Variants in PRPF18 observed in about 807,000 individuals in gnomAD.
The protein encoded by PRPF18 is pre-mRNA-splicing factor 18.
PRPF18 carries 38 observed loss-of-function variants against 46.5 expected under a neutral mutation model. That is an observed-to-expected ratio of 0.82 (90% confidence interval 0.63 to 1.07). The LOEUF is 1.07. Among genes scored for constraint, PRPF18 ranks in the 50% least tolerant of loss-of-function variants. The pLI is 0.00. For synonymous variants in PRPF18, 152 were observed against 146.7 expected, an observed-to-expected ratio of 1.04 and a Z score of -0.26; for missense variants, 263 against 410.0, an observed-to-expected ratio of 0.64 and a Z score of 3.10.
In PRPF18 at chr10:13,594,499, A is replaced by T. The variant is rs150171862; in HGVS notation, c.67-2959A>T. Among the ~76,000 whole-genome samples the T allele has an allele frequency of 6.7e-4, 102 of 152,358 alleles. No individual in the cohort carries two copies. In the Middle Eastern group the frequency reaches 0.014, roughly 20 times the overall value. ...CTGAAATCATTTCAATGAACTTTTC[A>T]TACATTAAAGCCTGTTCTATTTTGC... On this transcript the variant is annotated intron_variant, in intron 1 of 9. Coordinates refer to ENST00000378572, the MANE Select transcript of PRPF18 (RefSeq NM_003675.4).
chr10:13,651,996 G>C, the PRPF18 span: 2 of 1,402,848 alleles, frequency 1.4e-6, no homozygotes, highest in Non-Finnish European at 2.0e-6. Context: ...AAAGCAGGAG[G>C]AGGAAGAGAA....
chr10:13,653,063 T>TCCCCCCC, the PRPF18 span: 1 of 152,288 alleles, frequency 6.6e-6, no homozygotes, highest in African/African-American at 2.4e-5. Context: ...ATCTGGGTAT[T>TCCCCCCC]TCCCCCGCAA....
intron 1 of PRPF18, among the ~76,000 whole-genome samples, chr10:13,587,690 G>A (rs2079896859): frequency 6.6e-6 from 1 of 152,196 alleles, no homozygotes; most frequent in African/African-American, 2.4e-5. Context: ...AGCTGATAGG[G>A]ACCTCAGAAG....
chr10:13,640,101 T>G, the PRPF18 span: 4 of 152,216 alleles, frequency 2.6e-5, no homozygotes, highest in Non-Finnish European at 5.9e-5. Context: ...CCCACATTTC[T>G]GAGGTACCAG....
At chr10:13,622,065 G>A (rs371052466) in intron 9 of PRPF18, among the ~76,000 whole-genome samples, 1 of 152,178 alleles carries the variant, frequency 6.6e-6, no homozygotes, top group East Asian at 1.9e-4. Context: ...CATAGCTGTT[G>A]GTAAATGCTC....
chr10:13,589,985 G>A (rs1333284852), intron 1 of PRPF18, among the ~76,000 whole-genome samples: 1 of 152,052 alleles, frequency 6.6e-6, no homozygotes, highest in Non-Finnish European at 1.5e-5. Context: ...GGAAGGGCCA[G>A]GGTGTTGAAA....
At chr10:13,651,140 A>ATTAGGTTC in the PRPF18 span, 1 of 152,264 alleles carries the variant, frequency 6.6e-6, no homozygotes, top group Non-Finnish European at 1.5e-5. Context: ...TTAAATGCAC[A>ATTAGGTTC]TTAGGTTCAG....
At position 13,630,349 on chromosome 10, in the gene PRPF18, T is replaced by G. The variant is rs756723009; in HGVS notation, c.*9T>G. 3.8e-6 allele frequency: 6 copies of G among 1,591,350 alleles called. No homozygotes were observed. Among genetic ancestry groups the G allele is most frequent in the Non-Finnish European group, 5.2e-6 (6 of 1,160,064 alleles). ...AGTACAATGCACTGTGAGATCTGTG[T>G]ATGGTGTGTTAATAACAATAAGAAA... On this transcript the variant is annotated 3_prime_UTR_variant, in exon 10 of 10. Coordinates refer to ENST00000378572, the MANE Select transcript of PRPF18 (RefSeq NM_003675.4).
At chr10:13,625,787 A>C (rs1291624211) in intron 9 of PRPF18, among the ~76,000 whole-genome samples, 1 of 152,250 alleles carries the variant, frequency 6.6e-6, no homozygotes, top group South Asian at 2.1e-4. Flanking sequence ...TGATAGCACT[A>C]GAAGGTAGAA....
At chr10:13,624,703 C>G (rs1390415372) in intron 9 of PRPF18, among the ~76,000 whole-genome samples, 1 of 152,214 alleles carries the variant, frequency 6.6e-6, no homozygotes, top group Admixed American at 6.5e-5. Flanking sequence ...CAGGCTTTCA[C>G]CCCTCAGTTA....
intron 5 of PRPF18, among the ~76,000 whole-genome samples, chr10:13,610,934 A>G (rs6602668): frequency 6.6e-6 from 1 of 152,006 alleles, no homozygotes; most frequent in East Asian, 1.9e-4. Context: ...GTTAGTGTAT[A>G]ATCTTAATTA....
intron 1 of PRPF18, among the ~76,000 whole-genome samples, chr10:13,595,480 C>G (rs1285717834): frequency 6.6e-6 from 1 of 152,144 alleles, no homozygotes; most frequent in African/African-American, 2.4e-5. Flanking sequence ...ACTACCTAGT[C>G]AAAAACAATT....
At chr10:13,637,838 G>A in the PRPF18 span, 1 of 152,172 alleles carries the variant, frequency 6.6e-6, no homozygotes, top group African/African-American at 2.4e-5. Context: ...GTGAATGTTT[G>A]CACTTTTTTG....
chr10:13,596,268 C>A (rs888591989), intron 1 of PRPF18, among the ~76,000 whole-genome samples: 4 of 152,170 alleles, frequency 2.6e-5, no homozygotes, highest in Admixed American at 2.0e-4. Context: ...GTTAATTCCT[C>A]TCTTCCCTAC....
downstream of PRPF18, among the ~76,000 whole-genome samples, chr10:13,634,369 G>A (rs2080616564): frequency 6.6e-6 from 1 of 152,192 alleles, no homozygotes; most frequent in African/African-American, 2.4e-5. Context: ...TTTTACCAAT[G>A]AGAGCAGCTG....
chr10:13,617,719 C>A (rs985718437), intron 9 of PRPF18, among the ~76,000 whole-genome samples: 1 of 152,084 alleles, frequency 6.6e-6, no homozygotes, highest in Non-Finnish European at 1.5e-5. Context: ...TTCACCTCCC[C>A]GAGGAGTGAT....
At chr10:13,594,249 A>G (rs1246310544) in intron 1 of PRPF18, among the ~76,000 whole-genome samples, 3 of 152,248 alleles carry the variant, frequency 2.0e-5, no homozygotes, top group Non-Finnish European at 4.4e-5. Context: ...TCAGTGAGAA[A>G]AGTGACATTG....
intron 1 of PRPF18, among the ~76,000 whole-genome samples, chr10:13,593,534 G>A (rs557601947): frequency 6.6e-6 from 1 of 152,312 alleles, no homozygotes; most frequent in Admixed American, 6.5e-5. Context: ...GTTTAATGTG[G>A]TTCTGCTGTA....
the PRPF18 span, chr10:13,655,149 G>C: frequency 2.6e-5 from 4 of 152,256 alleles, no homozygotes; most frequent in Non-Finnish European, 4.4e-5. Context: ...AGATTTAGTA[G>C]GAAGTCAATC....
Sources: gnomAD v4.1 joint callset for allele counts (sites outside exome capture counted in the v4.1 genomes callset) on GRCh38, gnomAD v4.1.1 for gene constraint, MANE v1.5 for transcripts, NCBI Gene and HGNC (gene_info 2026-07-23, HGNC 2026-07-21) for gene names.